TMEM201: variants seen among roughly 807,000 people sequenced by gnomAD.
TMEM201 encodes RP13-15M17.2.
In TMEM201, 26 loss-of-function variants were observed where a neutral mutation model predicts 63.4. The observed-to-expected ratio is 0.41, with a 90% CI of 0.30 to 0.57. The LOEUF is 0.57. TMEM201 is among the 20% of genes least tolerant of loss of function. The probability of loss-of-function intolerance (pLI) is 0.29; values close to 1 mark genes in which losing one functional copy is unlikely to be tolerated. For missense variants in TMEM201, 794 were observed against 917.7 expected, an observed-to-expected ratio of 0.87 and a Z score of 1.74; for synonymous variants, 417 against 421.6, an observed-to-expected ratio of 0.99 and a Z score of 0.14.
rs542094644 is a variant in TMEM201 at position 9,601,907 on chromosome 1, A to T, written c.957-162A>T. ...GAGAAACACTGACCCACCTGCTCAG[A>T]GCCAGGTAGCGTGTGAGTGTGAGGG... On this transcript the variant is annotated intron_variant, in intron 5 of 10. Transcript: ENST00000340381. Among the ~76,000 whole-genome samples, 11 of 152,278 alleles carry T rather than the reference A, an allele frequency of 7.2e-5. No homozygotes were observed. The East Asian group carries it at 1.7e-3, about 24-fold the overall frequency.
chr1:9,609,832 G>C lies in TMEM201; in HGVS notation c.1394-8G>C. ...CCTGACGTGTCGCCCGCTTCTCTCTGTCTCCAGACTCCGGCTATCTGTTCA... is the reference window on the plus strand; with the variant it reads ...CCTGACGTGTCGCCCGCTTCTCTCTCTCTCCAGACTCCGGCTATCTGTTCA... On this transcript the variant is annotated splice_region_variant and splice_polypyrimidine_tract_variant and intron_variant, in intron 7 of 10. Coordinates refer to ENST00000340381, the MANE Select transcript of TMEM201 (RefSeq NM_001130924.3). 1 of 1,551,330 alleles carries C rather than the reference G, an allele frequency of 6.4e-7. No individual in the cohort carries two copies. The highest frequency in any genetic ancestry group is 1.2e-5 in the South Asian group (1 of 84,054).
chr1:9,611,709 GGGAGCC>G, intron 9 of TMEM201, 38 bp from the exon 10 acceptor site: 1 of 1,550,684 alleles, frequency 6.4e-7, no homozygotes, highest in South Asian at 1.2e-5. Context: ...TGTCCCTGGA[GGGAGCC>G]ATGAGCGCCA....
At chr1:9,602,497 C>T in intron 6 of TMEM201, 3 of 1,420,190 alleles carry the variant, frequency 2.1e-6, no homozygotes, top group South Asian at 1.5e-5. Flanking sequence ...CCCGAGTGCC[C>T]TGTAGCCACT....
chr1:9,599,400 A>G (rs1384210323), intron 4 of TMEM201, among the ~76,000 whole-genome samples: 1 of 146,742 alleles, frequency 6.8e-6, no homozygotes, highest in African/African-American at 2.5e-5. Context: ...GGCACGCATC[A>G]CCACAGCCGA....
intron 4 of TMEM201, among the ~76,000 whole-genome samples, chr1:9,599,569 T>C (rs1002825279): frequency 6.6e-6 from 1 of 151,290 alleles, no homozygotes; most frequent in African/African-American, 2.4e-5. Flanking sequence ...AATAACTGTT[T>C]CCATCATTTT....
chr1:9,593,850 A>G (rs1456923587), intron 1 of TMEM201, among the ~76,000 whole-genome samples: 1 of 152,220 alleles, frequency 6.6e-6, no homozygotes, highest in Non-Finnish European at 1.5e-5. Context: ...TCACACAAGC[A>G]GGTCTTCACC....
chr1:9,596,591 C>G (rs1037905242), intron 2 of TMEM201, among the ~76,000 whole-genome samples: 2 of 152,212 alleles, frequency 1.3e-5, no homozygotes, highest in African/African-American at 2.4e-5. Flanking sequence ...AGGACAGATG[C>G]TGGCTAGAGG....
At chr1:9,612,031 G>A (rs1026488874) in intron 10 of TMEM201, 141 bp downstream of exon 10, 18 of 1,023,192 alleles carry the variant, frequency 1.8e-5, no homozygotes, top group African/African-American at 1.6e-4. Flanking sequence ...AACCCACCCG[G>A]CGCCTCTGAA....
At position 9,610,053 on chromosome 1, in the gene TMEM201, A is replaced by G. The variant is rs966709393; in HGVS notation, c.1465+142A>G. The G allele has an allele frequency of 4.0e-6, 3 of 741,212 alleles. No homozygotes were observed. Among genetic ancestry groups the G allele is most frequent in the Non-Finnish European group, 6.9e-6 (3 of 433,978 alleles). 45.9% of individuals were successfully genotyped at this position (741,212 alleles called of 1,614,324 possible). ...TCAGCCCTGGGCAAGTGACCTACAC[A>G]CCTGTGCCTCAGTTTCCTCTTGCGT... On this transcript the variant is annotated intron_variant, in intron 8 of 10. Coordinates refer to ENST00000340381, the MANE Select transcript of TMEM201 (RefSeq NM_001130924.3). This position sits in a 1 kb window ranked among gnomAD's most constrained non-coding sequence, Gnocchi z 4.9.
Position 9,601,112 on chromosome 1 carries a change from C to T in TMEM201, c.614C>T (p.Ser205Phe), listed in dbSNP as rs759519040. 1.0e-5 allele frequency: 16 copies of T among 1,586,066 alleles called. No homozygotes were observed. The highest frequency in any genetic ancestry group is 2.3e-5 in the South Asian group (2 of 88,860). ...TCTCTTCCTCCTTTGCAGAACTTCT[C>T]CTCCGCCGTGAAGTCCCCGGTCCAG... ...EADQTHAQNF[S>F]SAVKSPVQVI... The change falls in exon 5 of 11, where the codon TCC (serine) becomes TTC (phenylalanine). Residue 205 changes from serine (S) to phenylalanine (F), a missense_variant. By Grantham distance (155) the Ser-to-Phe change is radical. Transcript: ENST00000340381.
At position 9,603,606 on chromosome 1, in the gene TMEM201, C is replaced by G. The variant is rs1317826142; in HGVS notation, c.1160+1334C>G. ...GTTGGAACCCCGGGGGAGGCAAGAG[C>G]AGATCACAGGTGCATGAGGGTTACA... On this transcript the variant is annotated intron_variant, in intron 6 of 10. Coordinates refer to ENST00000340381, the MANE Select transcript of TMEM201 (RefSeq NM_001130924.3). The surrounding 1 kb of genome is among the most constrained non-coding windows in gnomAD (Gnocchi z 4.5). 1.0e-6 allele frequency: 1 copy of G among 985,372 alleles called. No homozygotes were observed. Among genetic ancestry groups the G allele is most frequent in the African/African-American group, 1.7e-5 (1 of 57,234 alleles). The allele number at this position is 985,372 out of a possible 1,614,324, so 61.0% of individuals were successfully genotyped here. A position where few individuals can be genotyped will look rare whatever the true frequency, so the allele number is the denominator to read the frequency against.
rs1027320188 is a variant in TMEM201, at chr1:9,603,802, C to T, written c.1160+1530C>T. On this transcript the variant is annotated intron_variant, in intron 6 of 10. Coordinates refer to ENST00000340381, the MANE Select transcript of TMEM201 (RefSeq NM_001130924.3). The surrounding 1 kb of genome is among the most constrained non-coding windows in gnomAD (Gnocchi z 4.5). ...GAACCCAGGTGCATCGGGAGACCCT[C>T]GGGGGCTTCTGTGGCCTCTGTGCCC... 5 of 985,338 alleles carry T rather than the reference C, an allele frequency of 5.1e-6. No individual in the cohort carries two copies. Among genetic ancestry groups the T allele is most frequent in the South Asian group, 4.7e-5 (1 of 21,288 alleles). 61.0% of individuals were successfully genotyped at this position (985,338 alleles called of 1,614,324 possible). A position where few individuals can be genotyped will look rare whatever the true frequency, so the allele number is the denominator to read the frequency against.
chr1:9,593,177 G>A (rs892464409), intron 1 of TMEM201, among the ~76,000 whole-genome samples: 7 of 152,224 alleles, frequency 4.6e-5, no homozygotes, highest in East Asian at 1.9e-4. Context: ...TCAACAGGCC[G>A]GGCAGAGGCA....
At chr1:9,594,163 G>A (rs1643971021) in intron 1 of TMEM201, among the ~76,000 whole-genome samples, 1 of 152,364 alleles carries the variant, frequency 6.6e-6, no homozygotes, top group Middle Eastern at 3.4e-3. Context: ...GGATGAGACT[G>A]CGGCCCTAGA....
intron 1 of TMEM201, among the ~76,000 whole-genome samples, chr1:9,590,472 T>C (rs1206857217): frequency 1.3e-5 from 2 of 152,170 alleles, no homozygotes; most frequent in African/African-American, 2.4e-5. Context: ...GTTGTGTTTA[T>C]TGAGGCTGGA....
chr1:9,595,866 A>G (rs781277909), intron 1 of TMEM201, 24 bp from the exon 2 acceptor site: 9 of 1,611,890 alleles, frequency 5.6e-6, no homozygotes, highest in Admixed American at 1.7e-5. Context: ...TTCCAGGCCA[A>G]CCCGCTCTTT....
Position 9,596,027 on chromosome 1 carries a change from G to A in TMEM201, c.234+17G>A. On this transcript the variant is annotated intron_variant, in intron 2 of 10. Coordinates refer to ENST00000340381, the MANE Select transcript of TMEM201 (RefSeq NM_001130924.3). ...TTCCAGGAGGTGTGGGTCACAGGCA[G>A]GCGGACGGGTGGGCACGCGGGGGTG... 2 of 1,610,610 alleles carry A rather than the reference G, an allele frequency of 1.2e-6. No individual in the cohort carries two copies. Among genetic ancestry groups the A allele is most frequent in the Non-Finnish European group, 8.5e-7 (1 of 1,179,832 alleles).
intron 5 of TMEM201, among the ~76,000 whole-genome samples, 195 bp downstream of exon 5, chr1:9,601,649 C>T (rs143397590): frequency 8.7e-4 from 132 of 152,304 alleles, no homozygotes; most frequent in African/African-American, 3.0e-3. Context: ...TGAGCCAGCC[C>T]CGTGCACACC....
chr1:9,611,073 G>T, intron 9 of TMEM201: 1 of 1,507,868 alleles, frequency 6.6e-7, no homozygotes, highest in Non-Finnish European at 8.9e-7. Context: ...CGCATTGCCA[G>T]GTGCGTGTGG....
Sources: gnomAD v4.1 joint callset for allele counts (sites outside exome capture counted in the v4.1 genomes callset) on GRCh38, gnomAD v4.1.1 for gene constraint, Gnocchi (gnomAD v3.1) non-coding constraint, MANE v1.5 for transcripts, NCBI Gene and HGNC (gene_info 2026-07-23, HGNC 2026-07-21) for gene names.